Variants in AGMO observed in about 807,000 individuals in gnomAD.
The protein encoded by AGMO is glyceryl-ether monooxygenase.
In AGMO, 75 loss-of-function variants were observed where a neutral mutation model predicts 60.2. That is an observed-to-expected ratio of 1.25 (90% CI 1.03 to 1.51). The LOEUF (loss-of-function observed/expected upper bound fraction) is 1.51. AGMO is among the 40% of genes most tolerant of loss of function. The pLI is 0.00. For synonymous variants in AGMO, 261 were observed against 177.1 expected (o/e 1.47, Z -3.76); for missense variants, 763 against 525.5 (o/e 1.45, Z -4.42).
chr7:15,319,895 T>C (rs1186573971), intron 12 of AGMO, among the ~76,000 whole-genome samples: 1 of 152,078 alleles, frequency 6.6e-6, no homozygotes, highest in African/African-American at 2.4e-5. Context: ...AAAAGGATTA[T>C]CTAGATAGTA....
chr7:15,354,329 C>CACAT (rs1782376941), intron 12 of AGMO, among the ~76,000 whole-genome samples: 2 of 79,198 alleles, frequency 2.5e-5, no homozygotes, highest in Non-Finnish European at 4.8e-5. Context: ...TATATACGTA[C>CACAT]GCGTGTATAT....
chr7:15,194,861 T>G, the AGMO span, among the ~76,000 whole-genome samples: 1 of 152,054 alleles, frequency 6.6e-6, no homozygotes. Context: ...TAGAGAGAAT[T>G]AGCCCCCTTT....
chr7:15,310,138 G>A (rs573134380), intron 12 of AGMO, among the ~76,000 whole-genome samples: 3 of 152,056 alleles, frequency 2.0e-5, no homozygotes, highest in East Asian at 1.9e-4. Context: ...TGAGGCTGAC[G>A]AACTTGGCAC....
rs766081962 is a variant in AGMO at position 15,356,253 on chromosome 7, TG to T, written c.1263+9260del. On this transcript the variant is annotated intron_variant, in intron 12 of 12. Coordinates refer to ENST00000342526, the MANE Select transcript of AGMO (RefSeq NM_001004320.2). The stretch of plus-strand genomic sequence containing the variant: ...ATGCAATGTGCACTAGATGTGTAGA[TG>T]AATTTTTATTGCAGCATTGCAATAG... 3.4e-4 allele frequency among the ~76,000 whole-genome samples: 52 copies of T among 152,268 alleles called. 1 individual carries two copies. Among genetic ancestry groups the T allele is most frequent in the Non-Finnish European group, 5.9e-4 (40 of 68,024 alleles).
chr7:15,426,755 A>AT (rs146482241), intron 4 of AGMO, among the ~76,000 whole-genome samples: 16 of 150,908 alleles, frequency 1.1e-4, no homozygotes, highest in South Asian at 8.4e-4. Context: ...CAAAAAAAAA[A>AT]TTTTTTTTTT....
chr7:15,317,907 G>GTA (rs538387774), intron 12 of AGMO, among the ~76,000 whole-genome samples: 73 of 120,660 alleles, frequency 6.1e-4, no homozygotes, highest in Admixed American at 1.4e-3. Flanking sequence ...ACACACACAC[G>GTA]TATATATATA....
At chr7:15,238,565 A>C (rs2128502003) in intron 12 of AGMO, among the ~76,000 whole-genome samples, 1 of 151,738 alleles carries the variant, frequency 6.6e-6, no homozygotes, top group Non-Finnish European at 1.5e-5. Flanking sequence ...ATAGCAATTA[A>C]AATAATTTTA....
chr7:15,400,272 C>G (rs760132653), intron 5 of AGMO, among the ~76,000 whole-genome samples: 1 of 151,980 alleles, frequency 6.6e-6, no homozygotes, highest in Non-Finnish European at 1.5e-5. Flanking sequence ...GTGATTATCA[C>G]CACCCCCCCA....
rs554652823 is a variant in AGMO at position 15,383,427 on chromosome 7, A to G, written c.1074+2019T>C. Among the ~76,000 whole-genome samples, 229 of 152,234 alleles carry G rather than the reference A, an allele frequency of 1.5e-3. 1 individual carries two copies. The highest frequency in any genetic ancestry group is 5.2e-3 in the African/African-American group (216 of 41,530). On this transcript the variant is annotated intron_variant, in intron 10 of 12. Coordinates refer to ENST00000342526, the MANE Select transcript of AGMO (RefSeq NM_001004320.2). Reference sequence around the variant, plus strand: ...TTCTGCCATATACAATAAAAAAACAATAAAAAAAAGTCCCACCTAACACTC... The same window carrying G: ...TTCTGCCATATACAATAAAAAAACAGTAAAAAAAAGTCCCACCTAACACTC...
intron 2 of AGMO, among the ~76,000 whole-genome samples, chr7:15,545,796 A>G (rs1011089885): frequency 1.3e-5 from 2 of 151,990 alleles, no homozygotes; most frequent in Non-Finnish European, 2.9e-5. Context: ...ATCAAATTTA[A>G]GATTAGCTTC....
At chr7:15,332,129 A>C (rs914371046) in intron 12 of AGMO, among the ~76,000 whole-genome samples, 15 of 152,168 alleles carry the variant, frequency 9.9e-5, no homozygotes, top group Non-Finnish European at 2.9e-5. Flanking sequence ...CAGGAAGGCT[A>C]ACATTGGTCT....
At chr7:15,202,228 C>G (rs545547681) in intron 12 of AGMO, among the ~76,000 whole-genome samples, 2 of 151,826 alleles carry the variant, frequency 1.3e-5, no homozygotes, top group African/African-American at 4.8e-5. Context: ...ATGCCTCTCC[C>G]CAAGAAGAAT....
At chr7:15,272,165 G>A (rs1387434521) in intron 12 of AGMO, among the ~76,000 whole-genome samples, 2 of 151,524 alleles carry the variant, frequency 1.3e-5, no homozygotes, top group East Asian at 3.9e-4. Context: ...TAAGTTCTAG[G>A]GTAAATGTGC....
At chr7:15,156,524 C>A in the AGMO span, among the ~76,000 whole-genome samples, 1 of 152,192 alleles carries the variant, frequency 6.6e-6, no homozygotes, top group East Asian at 1.9e-4. Flanking sequence ...TCTGCCAACT[C>A]CCCAGACAGT....
At chr7:15,154,765 C>T in the AGMO span, among the ~76,000 whole-genome samples, 1 of 152,096 alleles carries the variant, frequency 6.6e-6, no homozygotes, top group African/African-American at 2.4e-5. Context: ...TTAGCAATTC[C>T]TTAAGGATCT....
intron 12 of AGMO, among the ~76,000 whole-genome samples, chr7:15,313,165 A>T (rs1031959600): frequency 1.3e-5 from 2 of 151,812 alleles, no homozygotes; most frequent in South Asian, 2.1e-4. Flanking sequence ...CACAAAGAAA[A>T]CTCCTTCGAT....
Position 15,319,879 on chromosome 7 carries a change from A to T in AGMO, c.1263+45635T>A, listed in dbSNP as rs116911362. On this transcript the variant is annotated intron_variant, in intron 12 of 12. Transcript: ENST00000342526. Reference sequence around the variant, plus strand: ...AAAGCAGTATACAGTTACATAAAAGATTTGGAAAAGGATTATCTAGATAGT... The same window carrying T: ...AAAGCAGTATACAGTTACATAAAAGTTTTGGAAAAGGATTATCTAGATAGT... Among the ~76,000 whole-genome samples the T allele has an allele frequency of 2.7e-4, 41 of 152,270 alleles. No homozygotes were observed. In the East Asian group the frequency reaches 7.3e-3, roughly 27 times the overall value.
Position 15,407,040 on chromosome 7 carries a change from C to T in AGMO, c.609+11518G>A, listed in dbSNP as rs541245341. Among the ~76,000 whole-genome samples, 293 of 142,368 alleles carry T rather than the reference C, an allele frequency of 2.1e-3. 1 individual carries two copies. The highest frequency in any genetic ancestry group is 7.1e-3 in the African/African-American group (274 of 38,640). 93.4% of individuals were successfully genotyped at this position (142,368 alleles called of 152,430 possible). A position where few individuals can be genotyped will look rare whatever the true frequency, so the allele number is the denominator to read the frequency against. On this transcript the variant is annotated intron_variant, in intron 5 of 12. Transcript: ENST00000342526. ...ATGTGTATATATATGTATATACACA[C>T]ATATATATGAATATACATATATATG...
At chr7:15,452,816 G>C (rs1041852819) in intron 3 of AGMO, among the ~76,000 whole-genome samples, 8 of 152,144 alleles carry the variant, frequency 5.3e-5, no homozygotes, top group African/African-American at 1.7e-4. Flanking sequence ...TAGCCAAAAA[G>C]TGGAAACAAC....
Sources: allele counts gnomAD v4.1 joint callset (sites outside exome capture counted in the v4.1 genomes callset), GRCh38; gene constraint gnomAD v4.1.1; transcripts MANE v1.5; gene names NCBI Gene and HGNC (gene_info 2026-07-23, HGNC 2026-07-21).